RBM12: variants seen among roughly 807,000 people sequenced by gnomAD.
The protein encoded by RBM12 is RNA-binding protein 12.
RBM12 carries 24 observed loss-of-function variants against 37.2 expected under a neutral mutation model. The ratio of observed to expected loss-of-function variants is 0.65; its 90% CI spans 0.47 to 0.91. The LOEUF is 0.91. Ranked by LOEUF, RBM12 falls within the 40% of genes least tolerant of loss-of-function variation. RBM12 has a pLI of 0.00. For missense variants in RBM12, 1,061 were observed against 1,183.2 expected (o/e 0.90, Z 1.52); for synonymous variants, 420 against 425.2 (o/e 0.99, Z 0.15).
Position 35,652,127 on chromosome 20 carries a change from G to A in RBM12, c.*397C>T. The A allele has an allele frequency of 6.2e-6, 1 of 161,188 alleles. No homozygotes were observed. The highest frequency in any genetic ancestry group is 1.4e-5 in the Non-Finnish European group (1 of 73,878). The allele number at this position is 161,188 out of a possible 1,614,324, so 10.0% of individuals were successfully genotyped here. A position where few individuals can be genotyped will look rare whatever the true frequency, so the allele number is the denominator to read the frequency against. On this transcript the variant is annotated 3_prime_UTR_variant, in exon 3 of 3. Transcript: ENST00000374114. ...TGTCCAGCTTTAAACCAAATTCTGA[G>A]AGTAGCCAACTTCTATTTTCAGCAG...
In RBM12 at chr20:35,653,252, C is replaced by T; in HGVS notation, c.2071G>A (p.Gly691Arg). The T allele has an allele frequency of 6.2e-7, 1 of 1,613,616 alleles. No individual in the cohort carries two copies. Among genetic ancestry groups the T allele is most frequent in the Non-Finnish European group, 8.5e-7 (1 of 1,179,908 alleles). Residue 691 changes from glycine to arginine, a missense_variant, in exon 3 of 3, where the codon GGA becomes AGA. This residue lies in a region of RBM12 where 517 missense variants were observed against 534.0 expected (regional missense o/e 0.97). Coordinates refer to ENST00000374114, the MANE Select transcript of RBM12 (RefSeq NM_006047.6). ...AITSAGLPGA[G>R]MPSAGIPSAG... Reference sequence around the variant, plus strand: ...CTAGGTATTCCTGCACTGGGCATTCCCGCACCAGGCAGTCCTGCACTGGTT... The same window carrying T: ...CTAGGTATTCCTGCACTGGGCATTCTCGCACCAGGCAGTCCTGCACTGGTT...
rs550935595 is a variant in RBM12, at chr20:35,652,865, C to T, written c.2458G>A (p.Gly820Ser). 6 of 1,612,148 alleles carry T rather than the reference C, an allele frequency of 3.7e-6. No homozygotes were observed. In the Admixed American group the frequency reaches 1.0e-4, roughly 27 times the overall value. Residue 820 changes from glycine (G) to serine (S), a missense_variant, in exon 3 of 3, where the codon GGT becomes AGT. Transcript: ENST00000374114. ...CCAGGCCCAAAAGCTGGTGGCCCAC[C>T]CAAATGCCCAGGGGCACTTCCAAGA... ...PGLGSAPGHL[G>S]GPPAFGPGPG...
rs1326812261 is a variant in RBM12, at chr20:35,654,970, T to C, written c.353A>G (p.Asn118Ser). 2 of 1,614,134 alleles carry C rather than the reference T, an allele frequency of 1.2e-6. No individual in the cohort carries two copies. Among genetic ancestry groups the C allele is most frequent in the East Asian group, 2.2e-5 (1 of 44,888 alleles). ...PPSSGMSSRVNLPTTVSNFNN... is the reference protein window; with the variant it reads ...PPSSGMSSRVSLPTTVSNFNN... ...AAAGTTGGATACTGTTGTGGGCAAG[T>C]TTACCCTGCTACTCATTCCTGAGCT... is the stretch of plus-strand genomic sequence containing the variant. Residue 118 changes from asparagine to serine, a missense_variant, in exon 3 of 3, where the codon AAC (asparagine) becomes AGC (serine). By Grantham distance (46) the Asn-to-Ser change is conservative. This residue lies in a region of RBM12 where 540 missense variants were observed against 632.7 expected (regional missense o/e 0.85). Coordinates refer to ENST00000374114, the MANE Select transcript of RBM12 (RefSeq NM_006047.6).
At chr20:35,663,510 ACTGACT>A (rs2034349120) in intron 1 of RBM12, among the ~76,000 whole-genome samples, 1 of 152,180 alleles carries the variant, frequency 6.6e-6, no homozygotes, top group Non-Finnish European at 1.5e-5. Flanking sequence ...AGTGGGTTAT[ACTGACT>A]CTATTATTGA....
At position 35,658,927 on chromosome 20, in the gene RBM12, T is replaced by C; in HGVS notation, c.-23+3A>G. 1.4e-6 allele frequency: 1 copy of C among 716,272 alleles called. No individual in the cohort carries two copies. The highest frequency in any genetic ancestry group is 2.6e-6 in the Non-Finnish European group (1 of 384,698). The allele number at this position is 716,272 out of a possible 1,614,324, so 44.4% of individuals were successfully genotyped here. A position where few individuals can be genotyped will look rare whatever the true frequency, so the allele number is the denominator to read the frequency against. ...AACGAACTCTCTATTCAAAATCTCT[T>C]ACCTGATAAAACAAGAGATGAATTT... On this transcript the variant is annotated splice_donor_region_variant and intron_variant, in intron 2 of 2. Coordinates refer to ENST00000374114, the MANE Select transcript of RBM12 (RefSeq NM_006047.6).
intron 1 of RBM12, among the ~76,000 whole-genome samples, 151 bp from the exon 2 acceptor site, chr20:35,659,165 C>T (rs2034089307): frequency 6.6e-6 from 1 of 151,178 alleles, no homozygotes; most frequent in Admixed American, 6.6e-5. Flanking sequence ...AGAAAGACAC[C>T]GTAACAAAAT....
Position 35,655,290 on chromosome 20 carries a change from T to C in RBM12, c.33A>G (p.Pro11=), listed in dbSNP as rs1024705470. ...GAATGTCCATGGTCCCCGCCACAAT[T>C]GGGAGACCTTGCAAACGGATGACCA... MAVVIRLQGL[P]IVAGTMDIRH... Residue 11 remains proline, a synonymous_variant, in exon 3 of 3, where the codon CCA becomes CCG. Transcript: ENST00000374114. 3.1e-6 allele frequency: 5 copies of C among 1,611,632 alleles called. No homozygotes were observed. Among genetic ancestry groups the C allele is most frequent in the Non-Finnish European group, 4.2e-6 (5 of 1,179,958 alleles).
intron 1 of RBM12, among the ~76,000 whole-genome samples, chr20:35,662,802 T>C (rs73905924): frequency 2.0e-5 from 3 of 152,306 alleles, no homozygotes; most frequent in Admixed American, 6.5e-5. Flanking sequence ...ATCAAAACAT[T>C]TGACGTGTCA....
rs901562959 is a variant in RBM12, at chr20:35,664,793, C to G, written c.-141G>C. The G allele has an allele frequency of 2.0e-4, 31 of 152,434 alleles. No individual in the cohort carries two copies. Among genetic ancestry groups the G allele is most frequent in the Admixed American group, 2.0e-3 (30 of 15,298 alleles). 9.4% of individuals were successfully genotyped at this position (152,434 alleles called of 1,614,324 possible). A position where few individuals can be genotyped will look rare whatever the true frequency, so the allele number is the denominator to read the frequency against. On this transcript the variant is annotated 5_prime_UTR_variant, in exon 1 of 3. Coordinates refer to ENST00000374114, the MANE Select transcript of RBM12 (RefSeq NM_006047.6). ...GCTGCGCGGCACCAGAACCCAGACC[C>G]CGAATTACCCCCCGCGCGAGTGCCT...
At chr20:35,655,868 T>C (rs2033866072) in intron 2 of RBM12, among the ~76,000 whole-genome samples, 2 of 152,232 alleles carry the variant, frequency 1.3e-5, no homozygotes, top group South Asian at 2.1e-4. Context: ...AGAATACTAA[T>C]GAATTGTAAA....
At position 35,652,392 on chromosome 20, in the gene RBM12, T is replaced by C. The variant is rs998590726; in HGVS notation, c.*132A>G. On this transcript the variant is annotated 3_prime_UTR_variant, in exon 3 of 3. Coordinates refer to ENST00000374114, the MANE Select transcript of RBM12 (RefSeq NM_006047.6). The stretch of plus-strand genomic sequence containing the variant: ...TTCTGTAAACAGTCAACCAATGCTC[T>C]ATGTTATGGAAACCAAGCTATATGC... 7 of 1,035,814 alleles carry C rather than the reference T, an allele frequency of 6.8e-6. No homozygotes were observed. The Admixed American group carries it at 1.7e-4, about 25-fold the overall frequency. The allele number at this position is 1,035,814 out of a possible 1,614,324, so 64.2% of individuals were successfully genotyped here. A position where few individuals can be genotyped will look rare whatever the true frequency, so the allele number is the denominator to read the frequency against.
chr20:35,652,416 G>A lies in RBM12; in HGVS notation c.*108C>T. On this transcript the variant is annotated 3_prime_UTR_variant, in exon 3 of 3. Transcript: ENST00000374114. ...CTATGTTATGGAAACCAAGCTATAT[G>A]CAATTGAAACAATCCACAGGTTCTA... 7.7e-7 allele frequency: 1 copy of A among 1,295,778 alleles called. No individual in the cohort carries two copies. Among genetic ancestry groups the A allele is most frequent in the Non-Finnish European group, 1.1e-6 (1 of 943,972 alleles). The allele number at this position is 1,295,778 out of a possible 1,614,324, so 80.3% of individuals were successfully genotyped here.
rs2033443949 is a variant in RBM12 at position 35,650,686 on chromosome 20, T to TA, written c.*1837dup. 1 of 152,564 alleles carries TA rather than the reference T, an allele frequency of 6.6e-6. No individual in the cohort carries two copies. Among genetic ancestry groups the TA allele is most frequent in the South Asian group, 2.1e-4 (1 of 4,826 alleles). 9.5% of individuals were successfully genotyped at this position (152,564 alleles called of 1,614,324 possible). On this transcript the variant is annotated 3_prime_UTR_variant, in exon 3 of 3. Coordinates refer to ENST00000374114, the MANE Select transcript of RBM12 (RefSeq NM_006047.6). ...TCTTGAGTCTAAACAATCCTTCTCT[T>TA]AAACAAAAATCCTGTACTGTCAATC...
In RBM12 at chr20:35,655,031, G is replaced by A; in HGVS notation, c.292C>T (p.Pro98Ser). 3.7e-6 allele frequency: 6 copies of A among 1,614,142 alleles called. No individual in the cohort carries two copies. Among genetic ancestry groups the A allele is most frequent in the Non-Finnish European group, 5.1e-6 (6 of 1,180,038 alleles). Residue 98 changes from proline (P) to serine (S), a missense_variant, in exon 3 of 3, where the codon CCA becomes TCA. Physicochemically the swap from Pro to Ser is moderately conservative, Grantham distance 74. Around this residue, in one of 3 missense-constraint regions of RBM12, gnomAD observed 540 missense variants for 632.7 expected, o/e 0.85. Coordinates refer to ENST00000374114, the MANE Select transcript of RBM12 (RefSeq NM_006047.6). ...CCTGATCTACTGGCATTTGCTGGTG[G>A]TATATCTAAGTTGGCAGTTTCAAAA... ...RRFETANLDIPPANASRSGPP... is the reference protein window; with the variant it reads ...RRFETANLDISPANASRSGPP...
rs1185681479 is a variant in RBM12, at chr20:35,658,940, A to G, written c.-33T>C. On this transcript the variant is annotated 5_prime_UTR_variant, in exon 2 of 3. Transcript: ENST00000374114. ...TTCAAAATCTCTTACCTGATAAAAC[A>G]AGAGATGAATTTCCTTAACAAGAAG... 1.4e-6 allele frequency: 1 copy of G among 716,988 alleles called. No individual in the cohort carries two copies. Among genetic ancestry groups the G allele is most frequent in the East Asian group, 2.7e-5 (1 of 37,300 alleles). 44.4% of individuals were successfully genotyped at this position (716,988 alleles called of 1,614,324 possible).
At position 35,654,940 on chromosome 20, in the gene RBM12, T is replaced by G. The variant is rs371145590; in HGVS notation, c.383A>C (p.Asn128Thr). The G allele has an allele frequency of 1.5e-5, 25 of 1,614,148 alleles. No homozygotes were observed. The highest frequency in any genetic ancestry group is 2.0e-5 in the Non-Finnish European group (24 of 1,180,012). ...GGCAGTAACTACACTGGGTGATGGA[T>G]TATTAAAGTTGGATACTGTTGTGGG... ...NLPTTVSNFN[N>T]PSPSVVTATT... Residue 128 changes from asparagine to threonine, a missense_variant, in exon 3 of 3, where the codon AAT becomes ACT. Physicochemically the swap from Asn to Thr is moderately conservative, Grantham distance 65 (BLOSUM62 0). Coordinates refer to ENST00000374114, the MANE Select transcript of RBM12 (RefSeq NM_006047.6).
intron 2 of RBM12, among the ~76,000 whole-genome samples, chr20:35,656,887 G>A (rs769400110): frequency 1.4e-5 from 2 of 147,620 alleles, no homozygotes; most frequent in Non-Finnish European, 1.5e-5. Context: ...AAGAGATTTG[G>A]TTTTATCACT....
At position 35,652,861 on chromosome 20, in the gene RBM12, C is replaced by T; in HGVS notation, c.2462G>A (p.Gly821Glu). 6.2e-7 allele frequency: 1 copy of T among 1,611,616 alleles called. No homozygotes were observed. The highest frequency in any genetic ancestry group is 8.5e-7 in the Non-Finnish European group (1 of 1,178,864). The change falls in exon 3 of 3, where the codon GGG becomes GAG. Residue 821 changes from glycine to glutamate, a missense_variant. By Grantham distance (98) the Gly-to-Glu change is moderately conservative (BLOSUM62 -2). Coordinates refer to ENST00000374114, the MANE Select transcript of RBM12 (RefSeq NM_006047.6). ...GGGGCCAGGCCCAAAAGCTGGTGGC[C>T]CACCCAAATGCCCAGGGGCACTTCC... is the stretch of plus-strand genomic sequence containing the variant. Reference protein sequence around the residue: ...GLGSAPGHLGGPPAFGPGPGP... With the variant: ...GLGSAPGHLGEPPAFGPGPGP...
chr20:35,663,355 G>T (rs1479484052), intron 1 of RBM12, among the ~76,000 whole-genome samples: 1 of 152,114 alleles, frequency 6.6e-6, no homozygotes, highest in Non-Finnish European at 1.5e-5. Context: ...AGTTAACAAG[G>T]TCCCAGACAA....
Sources: gnomAD v4.1 joint callset for allele counts (sites outside exome capture counted in the v4.1 genomes callset) on GRCh38, gnomAD v4.1.1 for gene constraint, gnomAD v4.1.1 regional missense constraint, MANE v1.5 for transcripts, NCBI Gene and HGNC (gene_info 2026-07-23, HGNC 2026-07-21) for gene names.